DPP6: variants seen among roughly 807,000 people sequenced by gnomAD.
DPP6 encodes dipeptidyl peptidase like 6, also known as A-type potassium channel modulatory protein DPP6.
In DPP6, 69 loss-of-function variants were observed where a neutral mutation model predicts 122.6. That is an observed-to-expected ratio of 0.56 (90% CI 0.46 to 0.69). The LOEUF (loss-of-function observed/expected upper bound fraction) is 0.69. Ranked by LOEUF, DPP6 falls within the 30% of genes least tolerant of loss-of-function variation. DPP6 has a pLI of 0.00. For missense variants in DPP6, 928 were observed against 1,116.9 expected, an observed-to-expected ratio of 0.83 and a Z score of 2.41; for synonymous variants, 418 against 433.1, an observed-to-expected ratio of 0.97 and a Z score of 0.43.
At chr7:154,568,844 T>C (rs576870501) in intron 5 of DPP6, among the ~76,000 whole-genome samples, 3 of 152,148 alleles carry the variant, frequency 2.0e-5, no homozygotes, top group Admixed American at 6.5e-5. Context: ...AATGATAAAA[T>C]TGAAAATGTA....
rs567462363 is a variant in DPP6, at chr7:154,589,523, T to G, written c.627+22607T>G. Among the ~76,000 whole-genome samples, 20 of 152,378 alleles carry G rather than the reference T, an allele frequency of 1.3e-4. No individual in the cohort carries two copies. The South Asian group carries it at 4.1e-3, about 32-fold the overall frequency. On this transcript the variant is annotated intron_variant, in intron 5 of 25. Transcript: ENST00000377770. ...ATGCGGCAGTGTCCACTGCGCTTTC[T>G]GCAGTGACGGAAATGGTCTACAGTT... is the stretch of plus-strand genomic sequence containing the variant.
At chr7:154,385,013 C>T (rs6464418) in intron 1 of DPP6, among the ~76,000 whole-genome samples, 17,544 of 152,120 alleles carry the variant, frequency 0.12, 1,089 homozygotes, top group South Asian at 0.16. Flanking sequence ...CTCGCTCTGT[C>T]GCCCAGGAGT....
chr7:154,783,014 C>T (rs751330111), intron 10 of DPP6, among the ~76,000 whole-genome samples: 1 of 152,092 alleles, frequency 6.6e-6, no homozygotes, highest in Non-Finnish European at 1.5e-5. Flanking sequence ...GAACTCCCGA[C>T]CTCAGGTGAT....
chr7:154,701,922 T>C (rs1486366527), intron 7 of DPP6, among the ~76,000 whole-genome samples: 1 of 152,244 alleles, frequency 6.6e-6, no homozygotes, highest in Non-Finnish European at 1.5e-5. Flanking sequence ...TATTCTGCTT[T>C]GCACATATTG....
chr7:154,793,196 T>C (rs1797798849), intron 10 of DPP6, among the ~76,000 whole-genome samples: 1 of 152,180 alleles, frequency 6.6e-6, no homozygotes, highest in South Asian at 2.1e-4. Context: ...TTCTGAACAG[T>C]AGATCTCATT....
At chr7:153,829,335 C>T in the DPP6 span, among the ~76,000 whole-genome samples, 4 of 152,208 alleles carry the variant, frequency 2.6e-5, no homozygotes, top group African/African-American at 9.6e-5. Flanking sequence ...CCTGCCTCAG[C>T]CTCCTGAGTA....
intron 1 of DPP6, among the ~76,000 whole-genome samples, chr7:154,425,000 A>G (rs79488607): frequency 8.9e-4 from 135 of 152,342 alleles, no homozygotes; most frequent in African/African-American, 3.1e-3. Context: ...ATACCCATGA[A>G]GTCTTATGCA....
intron 1 of DPP6, among the ~76,000 whole-genome samples, chr7:154,169,823 C>A (rs912754537): frequency 3.3e-5 from 5 of 152,104 alleles, no homozygotes; most frequent in Non-Finnish European, 7.4e-5. Context: ...CTCTGCCTCC[C>A]GGGTTCAAGT....
At chr7:154,528,353 T>C (rs76159016) in intron 3 of DPP6, among the ~76,000 whole-genome samples, 4,297 of 152,244 alleles carry the variant, frequency 0.028, 93 homozygotes, top group South Asian at 0.083. Context: ...ATAACGATAA[T>C]TGAATCTCAT....
intron 1 of DPP6, among the ~76,000 whole-genome samples, chr7:154,116,934 G>A (rs1476322368): frequency 6.6e-6 from 1 of 151,920 alleles, no homozygotes; most frequent in Non-Finnish European, 1.5e-5. Flanking sequence ...TCACGGGAGG[G>A]GCACCCCCAA....
chr7:154,448,003 C>T (rs1011085138), intron 2 of DPP6, among the ~76,000 whole-genome samples: 6 of 152,248 alleles, frequency 3.9e-5, no homozygotes, highest in Non-Finnish European at 8.8e-5. Context: ...CGCCTAAGAC[C>T]AGGAGATGGT....
intron 1 of DPP6, among the ~76,000 whole-genome samples, chr7:154,428,074 T>C (rs779796995): frequency 6.6e-6 from 1 of 152,214 alleles, no homozygotes; most frequent in African/African-American, 2.4e-5. Flanking sequence ...TTCTATGTTC[T>C]AAATTCTTCT....
At chr7:154,583,827 CAG>C (rs1195765178) in intron 5 of DPP6, among the ~76,000 whole-genome samples, 1 of 152,176 alleles carries the variant, frequency 6.6e-6, no homozygotes, top group African/African-American at 2.4e-5. Context: ...CCCTCAGACA[CAG>C]TGTGTGCAAC....
chr7:154,876,121 C>T (rs186016961), intron 20 of DPP6, 21 bp downstream of exon 20: 7 of 1,556,220 alleles, frequency 4.5e-6, no homozygotes, highest in Non-Finnish European at 5.2e-6. Flanking sequence ...GCCCAGGAAG[C>T]AGGAGAGGCC....
chr7:153,899,375 G>C (rs975968606), intron 1 of DPP6, among the ~76,000 whole-genome samples: 11 of 152,128 alleles, frequency 7.2e-5, no homozygotes, highest in Admixed American at 3.3e-4. Context: ...ATAATCTCAG[G>C]CTGAAGGAAA....
chr7:154,878,709 C>T (rs1189024560), intron 20 of DPP6, among the ~76,000 whole-genome samples: 1 of 152,158 alleles, frequency 6.6e-6, no homozygotes, highest in Non-Finnish European at 1.5e-5. Context: ...TCGTCCCACC[C>T]CTGTGGAAGG....
intron 1 of DPP6, among the ~76,000 whole-genome samples, chr7:153,973,582 G>A (rs998426159): frequency 6.6e-6 from 1 of 151,942 alleles, no homozygotes; most frequent in African/African-American, 2.4e-5. Flanking sequence ...CAACAGGGGT[G>A]GGAGTCTGGT....
At position 154,086,380 on chromosome 7, in the gene DPP6, C is replaced by T. The variant is rs544618004; in HGVS notation, c.243+33317C>T. Reference sequence around the variant, plus strand: ...TCCTTGGCTTTCATGCTGTGCTGGCCCTGACACAGGACTGACTTTACCCAT... The same window carrying T: ...TCCTTGGCTTTCATGCTGTGCTGGCTCTGACACAGGACTGACTTTACCCAT... On this transcript the variant is annotated intron_variant, in intron 1 of 25. Coordinates refer to ENST00000377770, the MANE Select transcript of DPP6 (RefSeq NM_130797.4). Among the ~76,000 whole-genome samples the T allele has an allele frequency of 1.5e-4, 22 of 147,582 alleles. No homozygotes were observed. The East Asian group carries it at 3.6e-3, about 24-fold the overall frequency.
intron 7 of DPP6, among the ~76,000 whole-genome samples, chr7:154,716,407 A>G (rs755372591): frequency 2.6e-5 from 4 of 152,172 alleles, no homozygotes; most frequent in Admixed American, 2.0e-4. Context: ...CCCTAAATGC[A>G]TCAGATCTGT....
Sources: gnomAD v4.1 joint callset for allele counts (sites outside exome capture counted in the v4.1 genomes callset) on GRCh38, gnomAD v4.1.1 for gene constraint, MANE v1.5 for transcripts, NCBI Gene and HGNC (gene_info 2026-07-23, HGNC 2026-07-21) for gene names.